CHRM2: variants seen among roughly 807,000 people sequenced by gnomAD.
CHRM2 encodes cholinergic receptor muscarinic 2, also known as muscarinic acetylcholine receptor M2.
CHRM2 carries 8 observed loss-of-function variants against 25.0 expected under a neutral mutation model. The observed-to-expected ratio is 0.32, with a 90% confidence interval of 0.19 to 0.58. CHRM2 has a LOEUF of 0.58. Among genes scored for constraint, CHRM2 ranks in the 20% least tolerant of loss-of-function variants. CHRM2 has a pLI of 0.88. For synonymous variants in CHRM2, 202 were observed against 205.7 expected, an observed-to-expected ratio of 0.98 and a Z score of 0.15; for missense variants, 440 against 567.1, an observed-to-expected ratio of 0.78 and a Z score of 2.28.
chr7:137,000,163 T>C (rs1057408412), intron 3 of CHRM2, among the ~76,000 whole-genome samples: 1 of 151,624 alleles, frequency 6.6e-6, no homozygotes, highest in Non-Finnish European at 1.5e-5. Flanking sequence ...TTTTCTTTTG[T>C]TCAGCTTGTC....
At chr7:136,955,390 T>G (rs1563088455) in intron 2 of CHRM2, among the ~76,000 whole-genome samples, 2 of 152,212 alleles carry the variant, frequency 1.3e-5, no homozygotes, top group African/African-American at 2.4e-5. Context: ...AATACTCTTG[T>G]CCTCGGGTTT....
chr7:136,886,828 G>A (rs1180285968), intron 2 of CHRM2, among the ~76,000 whole-genome samples: 1 of 152,106 alleles, frequency 6.6e-6, no homozygotes, highest in Non-Finnish European at 1.5e-5. Flanking sequence ...AGCTGTGATT[G>A]CACCACTGCA....
chr7:136,977,636 T>C (rs1320861032), intron 2 of CHRM2, among the ~76,000 whole-genome samples: 1 of 152,162 alleles, frequency 6.6e-6, no homozygotes, highest in Non-Finnish European at 1.5e-5. Context: ...TTATCCAACA[T>C]AAGGATGAGG....
intron 2 of CHRM2, among the ~76,000 whole-genome samples, chr7:136,945,254 T>C (rs1800006379): frequency 6.6e-6 from 1 of 152,160 alleles, no homozygotes; most frequent in South Asian, 2.1e-4. Context: ...TCTATATATC[T>C]TTGTTTTTGT....
At chr7:136,916,932 T>C (rs1313758567) in intron 2 of CHRM2, among the ~76,000 whole-genome samples, 1 of 151,746 alleles carries the variant, frequency 6.6e-6, no homozygotes, top group Non-Finnish European at 1.5e-5. Flanking sequence ...TCTCAGTGTT[T>C]TAATTCAGTT....
At chr7:136,899,190 T>G (rs1274978721) in intron 2 of CHRM2, 1 of 152,088 alleles carries the variant, frequency 6.6e-6, no homozygotes, top group African/African-American at 2.4e-5. Context: ...TAAAATAAAA[T>G]GAACACTTTT....
chr7:136,932,289 G>C (rs1799151579), intron 2 of CHRM2, among the ~76,000 whole-genome samples: 1 of 152,164 alleles, frequency 6.6e-6, no homozygotes, highest in South Asian at 2.1e-4. Context: ...ATAGTAAAGA[G>C]AGTGAATTAG....
intron 2 of CHRM2, among the ~76,000 whole-genome samples, chr7:136,968,719 T>TAA (rs1034472705): frequency 6.0e-5 from 5 of 83,180 alleles, no homozygotes; most frequent in South Asian, 3.5e-4. Flanking sequence ...TGTATTATCA[T>TAA]AAATATATAT....
chr7:136,938,359 C>T, intron 2 of CHRM2: 3 of 1,584,902 alleles, frequency 1.9e-6, no homozygotes, highest in Non-Finnish European at 2.6e-6. Flanking sequence ...CTGCAGGAGG[C>T]TCCACTTGGT....
intron 2 of CHRM2, among the ~76,000 whole-genome samples, chr7:136,940,236 A>AT (rs1215634473): frequency 1.3e-5 from 2 of 152,218 alleles, no homozygotes; most frequent in Admixed American, 6.5e-5. Flanking sequence ...TAAAATTGAT[A>AT]TATCAGTGGT....
At chr7:136,894,994 A>G (rs185840446) in intron 2 of CHRM2, among the ~76,000 whole-genome samples, 6 of 152,296 alleles carry the variant, frequency 3.9e-5, no homozygotes, top group Admixed American at 3.9e-4. Flanking sequence ...TCAGCATTCT[A>G]CAACTCTACA....
chr7:136,937,376 A>G (rs1216546684), intron 2 of CHRM2, among the ~76,000 whole-genome samples: 1 of 152,162 alleles, frequency 6.6e-6, no homozygotes, highest in Non-Finnish European at 1.5e-5. Context: ...TAATGATTCT[A>G]ATATGCAAAT....
chr7:136,919,818 C>A (rs1199151296), intron 2 of CHRM2, among the ~76,000 whole-genome samples: 1 of 152,138 alleles, frequency 6.6e-6, no homozygotes, highest in Non-Finnish European at 1.5e-5. Context: ...TTGTTACCCA[C>A]CTTAACTTTT....
At chr7:136,954,085 T>A (rs990782777) in intron 2 of CHRM2, among the ~76,000 whole-genome samples, 1 of 152,114 alleles carries the variant, frequency 6.6e-6, no homozygotes, top group Non-Finnish European at 1.5e-5. Context: ...TGTTCTTCCT[T>A]TGAGGTAAGA....
chr7:137,011,229 A>G (rs1003435307), intron 3 of CHRM2, among the ~76,000 whole-genome samples: 8 of 141,994 alleles, frequency 5.6e-5, no homozygotes, highest in African/African-American at 1.4e-4. Context: ...ATATATATAT[A>G]TATATGGATT....
intron 2 of CHRM2, among the ~76,000 whole-genome samples, chr7:136,969,705 T>G (rs1278346082): frequency 6.6e-6 from 1 of 152,150 alleles, no homozygotes; most frequent in Admixed American, 6.6e-5. Flanking sequence ...GCCTCCTCAT[T>G]TTTCATAGGT....
intron 2 of CHRM2, among the ~76,000 whole-genome samples, chr7:136,964,755 T>C (rs1331526167): frequency 6.6e-6 from 1 of 152,162 alleles, no homozygotes; most frequent in Non-Finnish European, 1.5e-5. Flanking sequence ...CTTCTCTCTG[T>C]GACATCTGTT....
rs915877356 is a variant in CHRM2 at position 137,015,779 on chromosome 7, A to G, written c.914A>G (p.Glu305Gly). 5.6e-6 allele frequency: 9 copies of G among 1,613,086 alleles called. No individual in the cohort carries two copies. Among genetic ancestry groups the G allele is most frequent in the African/African-American group, 4.0e-5 (3 of 74,806 alleles). Residue 305 changes from glutamate (E) to glycine (G), a missense_variant, in exon 4 of 4, where the codon GAA becomes GGA. Transcript: ENST00000680005. The surrounding 1 kb of genome is among the most constrained non-coding windows in gnomAD (Gnocchi z 5.1). ...AGAGATGATGAAATAACCCAGGATG[A>G]AAACACAGTTTCCACTTCCCTGGGC... The part of the protein sequence containing the change: ...NMRDDEITQD[E>G]NTVSTSLGHS...
At chr7:136,931,173 T>A (rs1375183368) in intron 2 of CHRM2, among the ~76,000 whole-genome samples, 1 of 152,176 alleles carries the variant, frequency 6.6e-6, no homozygotes, top group Non-Finnish European at 1.5e-5. Flanking sequence ...GATAGAAACA[T>A]GTTCAAAACT....
Sources: allele counts gnomAD v4.1 joint callset (sites outside exome capture counted in the v4.1 genomes callset), GRCh38; gene constraint gnomAD v4.1.1; non-coding constraint Gnocchi (gnomAD v3.1); transcripts MANE v1.5; gene names NCBI Gene and HGNC (gene_info 2026-07-23, HGNC 2026-07-21).